The following NEBL variants were observed in gnomAD, a reference collection of about 807,000 sequenced individuals.
NEBL encodes LIM and SH3 protein 2.
A neutral mutation model predicts 140.2 loss-of-function variants in NEBL; 122 were observed. The observed-to-expected ratio is 0.87, with a 90% CI of 0.75 to 1.01. The LOEUF (loss-of-function observed/expected upper bound fraction) is 1.01. Ranked by LOEUF, NEBL falls within the 50% of genes least tolerant of loss-of-function variation. The pLI is 0.00. For synonymous variants in NEBL, 436 were observed against 398.9 expected, an observed-to-expected ratio of 1.09 and a Z score of -1.11; for missense variants, 1,365 against 1,231.3, an observed-to-expected ratio of 1.11 and a Z score of -1.62.
At chr10:20,863,740 G>A (rs762307950) in intron 7 of NEBL, among the ~76,000 whole-genome samples, 5 of 152,148 alleles carry the variant, frequency 3.3e-5, no homozygotes, top group Non-Finnish European at 5.9e-5. Context: ...TGTCTCCATG[G>A]AGCCTGCCTT....
chr10:21,228,124 C>A (rs951074768), intron 3 of NEBL, among the ~76,000 whole-genome samples: 1 of 149,056 alleles, frequency 6.7e-6, no homozygotes, highest in Admixed American at 6.7e-5. Context: ...TTTTTTTTTT[C>A]GAGTTGTTGT....
At position 21,172,235 on chromosome 10, in the gene NEBL, A is replaced by C. The variant is rs536310731; in HGVS notation, c.164+148T>G. On this transcript the variant is annotated intron_variant, in intron 2 of 6. Transcript: ENST00000417816. Reference sequence around the variant, plus strand: ...AAAGCAGTGATCGTCAACAAAGTACATGGCCCCAGAGTCTGTGATATAAAC... The same window carrying C: ...AAAGCAGTGATCGTCAACAAAGTACCTGGCCCCAGAGTCTGTGATATAAAC... The C allele has an allele frequency of 5.3e-5, 37 of 692,550 alleles. No individual in the cohort carries two copies. In the African/African-American group the frequency reaches 5.9e-4, roughly 11 times the overall value. The allele number at this position is 692,550 out of a possible 1,614,324, so 42.9% of individuals were successfully genotyped here.
At chr10:20,937,226 C>G (rs1238444754) in intron 4 of NEBL, among the ~76,000 whole-genome samples, 1 of 152,176 alleles carries the variant, frequency 6.6e-6, no homozygotes, top group Admixed American at 6.5e-5. Context: ...CCAATCACCC[C>G]TTGGTGTACC....
chr10:20,975,503 A>G (rs1284063093), intron 3 of NEBL, among the ~76,000 whole-genome samples: 2 of 152,180 alleles, frequency 1.3e-5, no homozygotes, highest in Non-Finnish European at 2.9e-5. Flanking sequence ...TCAATACATC[A>G]GTAGCAAGAG....
intron 1 of NEBL, among the ~76,000 whole-genome samples, chr10:21,288,837 TATATATATATATA>T (rs1257430796): frequency 0.011 from 1,016 of 88,422 alleles, 40 homozygotes; most frequent in African/African-American, 0.036. Context: ...TATATATATA[TATATATATATATA>T]AAAATTTTTT....
At chr10:21,094,882 C>T (rs1242557093) in intron 2 of NEBL, among the ~76,000 whole-genome samples, 1 of 152,206 alleles carries the variant, frequency 6.6e-6, no homozygotes, top group African/African-American at 2.4e-5. Context: ...CTAGAACCCT[C>T]TCGTCATAGT....
At chr10:21,184,400 T>C (rs1841432147) in intron 3 of NEBL, among the ~76,000 whole-genome samples, 1 of 152,166 alleles carries the variant, frequency 6.6e-6, no homozygotes, top group African/African-American at 2.4e-5. Flanking sequence ...TAATGACTCA[T>C]CAAACAAGCA....
At chr10:21,204,804 G>A (rs1269163566) in intron 3 of NEBL, among the ~76,000 whole-genome samples, 1 of 152,226 alleles carries the variant, frequency 6.6e-6, no homozygotes, top group African/African-American at 2.4e-5. Context: ...AGGTGACTGA[G>A]GAAGGAGTGG....
intron 1 of NEBL, among the ~76,000 whole-genome samples, chr10:21,264,696 TAAAAAAAAA>T (rs71392177): frequency 1.3e-4 from 4 of 30,686 alleles, no homozygotes; most frequent in African/African-American, 3.8e-4. Context: ...AGTTGCTATT[TAAAAAAAAA>T]AAAAAAAAAA....
At position 21,173,504 on chromosome 10, in the gene NEBL, G is replaced by A. The variant is rs1421005584; in HGVS notation, c.69+261C>T. Among the ~76,000 whole-genome samples, 2 of 152,052 alleles carry A rather than the reference G, an allele frequency of 1.3e-5. No individual in the cohort carries two copies. The highest frequency in any genetic ancestry group is 2.9e-5 in the Non-Finnish European group (2 of 68,014). ...GGGGTCCGGGGCTGCGCACCGCCGT[G>A]CGCCCTCCGCAGAGGCTCTGCCGAT... On this transcript the variant is annotated intron_variant, in intron 1 of 6. Transcript: ENST00000417816. The surrounding 1 kb of genome is among the most constrained non-coding windows in gnomAD (Gnocchi z 5.7).
In NEBL at chr10:20,897,036, G is replaced by GAA. The variant is rs749178388; in HGVS notation, c.82-9_82-8dup. On this transcript the variant is annotated splice_region_variant and splice_polypyrimidine_tract_variant and intron_variant, in intron 1 of 27. Coordinates refer to ENST00000377122, the MANE Select transcript of NEBL (RefSeq NM_006393.3). ...TAACAGGCTTATAGAAGACCTATTT[G>GAA]AAAAAAAAGAAAAGAACAGAAAGAA... is the stretch of plus-strand genomic sequence containing the variant. 6.2e-7 allele frequency: 1 copy of GAA among 1,610,714 alleles called. No homozygotes were observed. Among genetic ancestry groups the GAA allele is most frequent in the South Asian group, 1.1e-5 (1 of 90,778 alleles).
intron 24 of NEBL, among the ~76,000 whole-genome samples, chr10:20,812,180 A>G (rs865862768): frequency 2.6e-5 from 4 of 152,196 alleles, no homozygotes; most frequent in Admixed American, 1.3e-4. Context: ...ACTTATGCAC[A>G]TGAGGTCAAC....
At chr10:21,198,442 G>T (rs1236309292) in intron 3 of NEBL, among the ~76,000 whole-genome samples, 1 of 152,092 alleles carries the variant, frequency 6.6e-6, no homozygotes, top group Non-Finnish European at 1.5e-5. Context: ...ACAGCATCCT[G>T]CTGAATAAAG....
chr10:20,946,209 C>G (rs1339255386), intron 4 of NEBL, among the ~76,000 whole-genome samples: 1 of 152,150 alleles, frequency 6.6e-6, no homozygotes, highest in Non-Finnish European at 1.5e-5. Context: ...AGCAAGGAGC[C>G]CATCGTGTTT....
intron 2 of NEBL, among the ~76,000 whole-genome samples, chr10:21,161,320 C>T (rs1040574084): frequency 6.6e-5 from 10 of 152,076 alleles, no homozygotes; most frequent in Admixed American, 6.6e-4. Context: ...TCTTGAGCCA[C>T]CATACTCGTC....
intron 3 of NEBL, among the ~76,000 whole-genome samples, chr10:20,964,803 T>C (rs967863555): frequency 6.6e-6 from 1 of 152,104 alleles, no homozygotes; most frequent in African/African-American, 2.4e-5. Context: ...AAAAGAGTGA[T>C]TGAGAGAGAG....
intron 2 of NEBL, among the ~76,000 whole-genome samples, chr10:21,086,951 C>A (rs929688491): frequency 6.6e-6 from 1 of 151,876 alleles, no homozygotes; most frequent in Non-Finnish European, 1.5e-5. Flanking sequence ...CAATCCCAAT[C>A]AATTTGGTTG....
intron 2 of NEBL, among the ~76,000 whole-genome samples, chr10:21,146,156 A>G (rs1839880986): frequency 6.6e-6 from 1 of 152,254 alleles, no homozygotes; most frequent in African/African-American, 2.4e-5. Flanking sequence ...AACAAAGTAC[A>G]GAACAGGCCT....
intron 2 of NEBL, among the ~76,000 whole-genome samples, chr10:21,127,248 C>A (rs999557338): frequency 6.6e-6 from 1 of 151,868 alleles, no homozygotes; most frequent in African/African-American, 2.4e-5. Context: ...TTTTTCTTTT[C>A]AAACTATATT....
Sources: gnomAD v4.1 joint callset for allele counts (sites outside exome capture counted in the v4.1 genomes callset) on GRCh38, gnomAD v4.1.1 for gene constraint, Gnocchi (gnomAD v3.1) non-coding constraint, MANE v1.5 for transcripts, NCBI Gene and HGNC (gene_info 2026-07-23, HGNC 2026-07-21) for gene names.